Variants in IMMP2L observed in about 807,000 individuals in gnomAD.
The protein encoded by IMMP2L is inner mitochondrial membrane peptidase subunit 2, also known as mitochondrial inner membrane protease subunit 2.
IMMP2L carries 18 observed loss-of-function variants against 19.3 expected under a neutral mutation model. That is an observed-to-expected ratio of 0.93 (90% CI 0.64 to 1.38). The LOEUF (loss-of-function observed/expected upper bound fraction) is 1.38. IMMP2L is among the 40% of genes most tolerant of loss of function. The pLI, the probability that IMMP2L is intolerant of heterozygous loss-of-function variation, is 0.00. For missense variants in IMMP2L, 233 were observed against 218.2 expected (o/e 1.07, Z -0.43); for synonymous variants, 76 against 73.0 (o/e 1.04, Z -0.21).
In IMMP2L at chr7:110,965,999, G is replaced by T. The variant is rs189452351; in HGVS notation, c.240-2434C>A. ...AATTTTGGCCACATGGATAGTTAAA[G>T]CATTACTGTCTATTTTAAAAAAGAA... On this transcript the variant is annotated intron_variant, in intron 3 of 5. Transcript: ENST00000405709. 1.5e-3 allele frequency among the ~76,000 whole-genome samples: 223 copies of T among 151,924 alleles called. 1 individual carries two copies. Among genetic ancestry groups the T allele is most frequent in the African/African-American group, 5.2e-3 (217 of 41,480 alleles).
chr7:110,688,254 C>T (rs1793254052), intron 5 of IMMP2L, among the ~76,000 whole-genome samples: 1 of 152,016 alleles, frequency 6.6e-6, no homozygotes, highest in Non-Finnish European at 1.5e-5. Flanking sequence ...TGCTTTATAC[C>T]ACTAAGTTTG....
chr7:111,236,916 C>A (rs1814392717), intron 3 of IMMP2L, among the ~76,000 whole-genome samples: 1 of 152,074 alleles, frequency 6.6e-6, no homozygotes, highest in South Asian at 2.1e-4. Context: ...TGTATCTGGT[C>A]TTTTTTGTTT....
chr7:111,350,794 T>C (rs1041011212), intron 3 of IMMP2L, among the ~76,000 whole-genome samples: 4 of 152,180 alleles, frequency 2.6e-5, no homozygotes, highest in Admixed American at 6.5e-5. Flanking sequence ...TGACCTCTCA[T>C]CTTTTGTATC....
intron 5 of IMMP2L, among the ~76,000 whole-genome samples, chr7:110,772,436 C>G (rs1239389963): frequency 6.6e-6 from 1 of 152,144 alleles, no homozygotes; most frequent in African/African-American, 2.4e-5. Flanking sequence ...CCTACGGCTG[C>G]TTTAAGAACA....
At chr7:111,287,224 G>A (rs917347054) in intron 3 of IMMP2L, among the ~76,000 whole-genome samples, 18 of 152,200 alleles carry the variant, frequency 1.2e-4, no homozygotes, top group Admixed American at 2.0e-4. Flanking sequence ...CTCTACATGG[G>A]AAGAAAAATA....
chr7:110,764,800 C>A (rs183477934), intron 5 of IMMP2L, among the ~76,000 whole-genome samples: 4 of 152,140 alleles, frequency 2.6e-5, no homozygotes, highest in African/African-American at 9.6e-5. Context: ...ATCATTACTC[C>A]TGAAAGAATT....
At chr7:111,444,243 G>C (rs1838060889) in intron 3 of IMMP2L, among the ~76,000 whole-genome samples, 1 of 152,034 alleles carries the variant, frequency 6.6e-6, no homozygotes, top group Non-Finnish European at 1.5e-5. Context: ...ATATATTTAT[G>C]GTCTAGCTCA....
intron 3 of IMMP2L, among the ~76,000 whole-genome samples, chr7:111,311,862 C>T (rs1003809182): frequency 6.6e-6 from 1 of 152,112 alleles, no homozygotes; most frequent in Admixed American, 6.6e-5. Context: ...ACTTTGCTTC[C>T]AGTGATTACA....
chr7:111,494,280 A>T (rs1843390941), intron 2 of IMMP2L, among the ~76,000 whole-genome samples: 1 of 152,154 alleles, frequency 6.6e-6, no homozygotes, highest in Non-Finnish European at 1.5e-5. Context: ...TAGTAGTCAC[A>T]GTGATTTCCA....
intron 3 of IMMP2L, among the ~76,000 whole-genome samples, chr7:111,018,163 A>G (rs1261925159): frequency 6.6e-6 from 1 of 152,198 alleles, no homozygotes; most frequent in Non-Finnish European, 1.5e-5. Context: ...GAGGAATGTA[A>G]TAATTTCCTA....
At chr7:110,866,317 T>A (rs928384704) in intron 5 of IMMP2L, among the ~76,000 whole-genome samples, 2 of 151,840 alleles carry the variant, frequency 1.3e-5, no homozygotes, top group Non-Finnish European at 2.9e-5. Flanking sequence ...TGGTAGTTGG[T>A]TGTGGAGATG....
intron 3 of IMMP2L, among the ~76,000 whole-genome samples, chr7:111,238,220 G>C (rs184056857): frequency 1.3e-5 from 2 of 152,056 alleles, no homozygotes; most frequent in Admixed American, 1.3e-4. Flanking sequence ...GTACCATAAG[G>C]AAGAAGACAG....
chr7:111,237,059 T>C (rs902937781), intron 3 of IMMP2L, among the ~76,000 whole-genome samples: 5 of 152,080 alleles, frequency 3.3e-5, no homozygotes, highest in Non-Finnish European at 7.4e-5. Context: ...ACACGGAATA[T>C]ATAATAATTT....
intron 3 of IMMP2L, among the ~76,000 whole-genome samples, chr7:111,385,708 C>A (rs1410235943): frequency 6.6e-6 from 1 of 151,958 alleles, no homozygotes; most frequent in Non-Finnish European, 1.5e-5. Context: ...AAATGAGCTG[C>A]CATAAGAAAA....
intron 3 of IMMP2L, among the ~76,000 whole-genome samples, chr7:111,439,124 G>A (rs1585101459): frequency 6.6e-6 from 1 of 151,792 alleles, no homozygotes; most frequent in East Asian, 1.9e-4. Flanking sequence ...TTATACCCCA[G>A]CATCCAGCTA....
chr7:111,504,612 A>T (rs1844674532), intron 2 of IMMP2L, among the ~76,000 whole-genome samples: 1 of 152,186 alleles, frequency 6.6e-6, no homozygotes, highest in Non-Finnish European at 1.5e-5. Flanking sequence ...TGGTACTGGT[A>T]CCAAAACAGA....
intron 3 of IMMP2L, among the ~76,000 whole-genome samples, chr7:111,253,416 G>A (rs1816359885): frequency 1.3e-5 from 2 of 152,104 alleles, no homozygotes; most frequent in African/African-American, 4.8e-5. Flanking sequence ...GGGCTGTCAG[G>A]GAAGAGGTAG....
chr7:111,283,523 G>T (rs1820131018), intron 3 of IMMP2L, among the ~76,000 whole-genome samples: 1 of 152,150 alleles, frequency 6.6e-6, no homozygotes, highest in Non-Finnish European at 1.5e-5. Flanking sequence ...GAGCAGTTAG[G>T]AGTGGCTAGC....
rs1798127311 is a variant in IMMP2L at position 110,757,874 on chromosome 7, T to C, written c.409-94153A>G. On this transcript the variant is annotated intron_variant, in intron 5 of 5. Coordinates refer to ENST00000405709, the MANE Select transcript of IMMP2L (RefSeq NM_032549.4). The surrounding 1 kb of genome is among the most constrained non-coding windows in gnomAD (Gnocchi z 4.2). ...GTGGGGAGGGGAAGCCATGCAGCTG[T>C]TTGGAGGAAGAGAATTTCAGGCACT... is the stretch of plus-strand genomic sequence containing the variant. Among the ~76,000 whole-genome samples the C allele has an allele frequency of 6.6e-6, 1 of 152,000 alleles. No homozygotes were observed. Among genetic ancestry groups the C allele is most frequent in the African/African-American group, 2.4e-5 (1 of 41,416 alleles).
Sources: gnomAD v4.1 joint callset for allele counts (sites outside exome capture counted in the v4.1 genomes callset) on GRCh38, gnomAD v4.1.1 for gene constraint, Gnocchi (gnomAD v3.1) non-coding constraint, MANE v1.5 for transcripts, NCBI Gene and HGNC (gene_info 2026-07-23, HGNC 2026-07-21) for gene names.